WDR25: variants seen among roughly 807,000 people sequenced by gnomAD.
WDR25 encodes the protein WD repeat-containing protein 25.
A neutral mutation model predicts 47.7 loss-of-function variants in WDR25; 35 were observed. That is an observed-to-expected ratio of 0.73 (90% CI 0.56 to 0.97). WDR25 has a LOEUF of 0.97. Among genes scored for constraint, WDR25 ranks in the 50% least tolerant of loss-of-function variants. The pLI, the probability that WDR25 is intolerant of heterozygous loss-of-function variation, is 0.00. For missense variants in WDR25, 634 were observed against 704.7 expected, an observed-to-expected ratio of 0.90 and a Z score of 1.14; for synonymous variants, 248 against 278.9, an observed-to-expected ratio of 0.89 and a Z score of 1.10.
At chr14:100,393,624 C>T (rs1897191633) in intron 2 of WDR25, among the ~76,000 whole-genome samples, 1 of 152,168 alleles carries the variant, frequency 6.6e-6, no homozygotes, top group Non-Finnish European at 1.5e-5. Context: ...AAGAGGTCAG[C>T]ACATGGTGAA....
intron 2 of WDR25, among the ~76,000 whole-genome samples, chr14:100,446,984 C>A (rs1259315422): frequency 1.3e-5 from 2 of 152,226 alleles, no homozygotes; most frequent in African/African-American, 4.8e-5. Context: ...CATGATTCTT[C>A]TTAATCCTTT....
chr14:100,387,389 A>C (rs181556263), intron 2 of WDR25, among the ~76,000 whole-genome samples: 1 of 152,276 alleles, frequency 6.6e-6, no homozygotes, highest in African/African-American at 2.4e-5. Context: ...TAGAATCTAA[A>C]GAGTTTGAGG....
Position 100,425,606 on chromosome 14 carries a change from C to T in WDR25, c.823-42415C>T, listed in dbSNP as rs191839872. On this transcript the variant is annotated intron_variant, in intron 2 of 6. Transcript: ENST00000402312. The surrounding 1 kb of genome is among the most constrained non-coding windows in gnomAD (Gnocchi z 4.8). The stretch of plus-strand genomic sequence containing the variant: ...CATGAAGCTCATCAGGCAGCACCGT[C>T]GGACGCTGATGGTGGGGGCTGGGCC... Among the ~76,000 whole-genome samples, 68 of 152,320 alleles carry T rather than the reference C, an allele frequency of 4.5e-4. No individual in the cohort carries two copies. The highest frequency in any genetic ancestry group is 1.3e-3 in the African/African-American group (54 of 41,572).
At chr14:100,452,841 T>A (rs1393290275) in intron 2 of WDR25, among the ~76,000 whole-genome samples, 1 of 152,192 alleles carries the variant, frequency 6.6e-6, no homozygotes, top group Non-Finnish European at 1.5e-5. Flanking sequence ...ATACATAAAA[T>A]GTACCATCTT....
At position 100,484,029 on chromosome 14, in the gene WDR25, A is replaced by G. The variant is rs749390358; in HGVS notation, c.1006A>G (p.Ile336Val). The G allele has an allele frequency of 3.7e-6, 6 of 1,613,750 alleles. No individual in the cohort carries two copies. In the East Asian group the frequency reaches 1.3e-4, roughly 36 times the overall value. Residue 336 changes from isoleucine to valine, a missense_variant, in exon 4 of 7, where the codon ATC (isoleucine) becomes GTC (valine). Transcript: ENST00000402312. ...QLFSGRSDFRITTLKFHPKDH... is the reference protein window; with the variant it reads ...QLFSGRSDFRVTTLKFHPKDH... ...ATTTAGTGGTCGAAGTGACTTTAGA[A>G]TCACTACCTTGAAATTCCATCCAAA...
chr14:100,521,868 A>G (rs1191440298), intron 4 of WDR25, among the ~76,000 whole-genome samples: 2 of 152,158 alleles, frequency 1.3e-5, no homozygotes, highest in Non-Finnish European at 1.5e-5. Context: ...CAGGGCTTGT[A>G]CCATTTGCAT....
At chr14:100,518,165 G>C (rs1901571028) in intron 4 of WDR25, among the ~76,000 whole-genome samples, 1 of 152,094 alleles carries the variant, frequency 6.6e-6, no homozygotes, top group African/African-American at 2.4e-5. Context: ...AGATAGATCA[G>C]GTCTGTTCAT....
chr14:100,452,089 A>G (rs1899052558), intron 2 of WDR25, among the ~76,000 whole-genome samples: 1 of 152,084 alleles, frequency 6.6e-6, no homozygotes, highest in East Asian at 1.9e-4. Context: ...CCATTCATTC[A>G]TCCATCCATC....
In WDR25 at chr14:100,519,264, G is replaced by A. The variant is rs183901897; in HGVS notation, c.1102-6606G>A. ...TGTGTGTGTGTGTGTAATTTATAGG[G>A]GGGAGAGAGAGAGAGAGAGAGAGAG... is the stretch of plus-strand genomic sequence containing the variant. On this transcript the variant is annotated intron_variant, in intron 4 of 6. Coordinates refer to ENST00000402312, the MANE Select transcript of WDR25 (RefSeq NM_001161476.3). Among the ~76,000 whole-genome samples the A allele has an allele frequency of 4.1e-3, 593 of 145,020 alleles. 2 individuals carry two copies. The highest frequency in any genetic ancestry group is 6.1e-3 in the Non-Finnish European group (416 of 67,906).
At chr14:100,517,737 C>T (rs1213872130) in intron 4 of WDR25, among the ~76,000 whole-genome samples, 1 of 152,130 alleles carries the variant, frequency 6.6e-6, no homozygotes, top group African/African-American at 2.4e-5. Context: ...CCAGCTGCTC[C>T]TGGGGCTGAG....
intron 2 of WDR25, among the ~76,000 whole-genome samples, chr14:100,451,397 G>A (rs1396780899): frequency 3.3e-5 from 5 of 151,926 alleles, no homozygotes; most frequent in Non-Finnish European, 7.4e-5. Context: ...GTGTGCCACC[G>A]TAGTAGAGAC....
intron 4 of WDR25, among the ~76,000 whole-genome samples, chr14:100,517,641 C>G (rs146781156): frequency 1.3e-5 from 2 of 152,106 alleles, no homozygotes; most frequent in Non-Finnish European, 2.9e-5. Flanking sequence ...GTCAGAAGTT[C>G]GAGAGCAGCC....
chr14:100,453,874 T>C (rs1376897348), intron 2 of WDR25, among the ~76,000 whole-genome samples: 3 of 152,254 alleles, frequency 2.0e-5, no homozygotes, highest in African/African-American at 7.2e-5. Context: ...CATTTAAAAT[T>C]CCTTCCCTTT....
Position 100,525,718 on chromosome 14 carries a change from T to A in WDR25, c.1102-152T>A. 3.5e-6 allele frequency: 3 copies of A among 855,784 alleles called. No homozygotes were observed. Among genetic ancestry groups the A allele is most frequent in the Non-Finnish European group, 5.3e-6 (3 of 568,852 alleles). The allele number at this position is 855,784 out of a possible 1,614,324, so 53.0% of individuals were successfully genotyped here. ...TGGGGCAGGAGGGTCCATGATTCCA[T>A]ATATGGCTTGTGGGTGCTGCTCAGC... On this transcript the variant is annotated intron_variant, in intron 4 of 6. Coordinates refer to ENST00000402312, the MANE Select transcript of WDR25 (RefSeq NM_001161476.3). The surrounding 1 kb of genome is among the most constrained non-coding windows in gnomAD (Gnocchi z 4.6).
At chr14:100,467,874 A>G (rs945509406) in intron 2 of WDR25, 147 bp from the exon 3 acceptor site, 2 of 1,121,620 alleles carry the variant, frequency 1.8e-6, no homozygotes, top group Admixed American at 2.7e-5. Context: ...CTGCAATGAA[A>G]AGTTTAACAT....
At chr14:100,459,894 G>GTA (rs61706956) in intron 2 of WDR25, among the ~76,000 whole-genome samples, 1,479 of 77,682 alleles carry the variant, frequency 0.019, 18 homozygotes, top group Middle Eastern at 0.036. Context: ...GTGTGTGTGT[G>GTA]TATATATATA....
chr14:100,435,165 C>G (rs1898462883), intron 2 of WDR25, among the ~76,000 whole-genome samples: 1 of 152,222 alleles, frequency 6.6e-6, no homozygotes. Flanking sequence ...ACACGTCACA[C>G]AGATGTGAGC....
intron 4 of WDR25, among the ~76,000 whole-genome samples, chr14:100,495,107 A>C (rs113647070): frequency 1.3e-5 from 2 of 152,266 alleles, no homozygotes; most frequent in Non-Finnish European, 2.9e-5. Flanking sequence ...CTGTAATCCC[A>C]GCACTTTGGG....
At chr14:100,521,051 G>A (rs1348535279) in intron 4 of WDR25, among the ~76,000 whole-genome samples, 1 of 152,134 alleles carries the variant, frequency 6.6e-6, no homozygotes, top group Non-Finnish European at 1.5e-5. Context: ...TATGAGTCCA[G>A]AGAAAGGATT....
Sources: allele counts gnomAD v4.1 joint callset (sites outside exome capture counted in the v4.1 genomes callset), GRCh38; gene constraint gnomAD v4.1.1; non-coding constraint Gnocchi (gnomAD v3.1); transcripts MANE v1.5; gene names NCBI Gene and HGNC (gene_info 2026-07-23, HGNC 2026-07-21).